FER: variants seen among roughly 807,000 people sequenced by gnomAD.
FER encodes tyrosine-protein kinase Fer.
In FER, 63 loss-of-function variants were observed where a neutral mutation model predicts 111.0. The observed-to-expected ratio is 0.57, with a 90% CI of 0.46 to 0.70. The LOEUF is 0.70. Among genes scored for constraint, FER ranks in the 30% least tolerant of loss-of-function variants. The pLI, the probability that FER is intolerant of heterozygous loss-of-function variation, is 0.00. For synonymous variants in FER, 327 were observed against 313.9 expected (o/e 1.04, Z -0.44); for missense variants, 914 against 954.0 (o/e 0.96, Z 0.55).
At position 109,195,971 on chromosome 5, in the gene FER, T is replaced by G. The variant is rs1397590492; in HGVS notation, c.*8396T>G. 2.6e-5 allele frequency: 4 copies of G among 152,262 alleles called. No homozygotes were observed. Among genetic ancestry groups the G allele is most frequent in the Non-Finnish European group, 5.9e-5 (4 of 68,086 alleles). 9.4% of individuals were successfully genotyped at this position (152,262 alleles called of 1,614,324 possible). On this transcript the variant is annotated 3_prime_UTR_variant, in exon 20 of 20. Transcript: ENST00000281092. Reference sequence around the variant, plus strand: ...TGTTTTTTCTTGGTTTTGTCTGGCTTCTTCTGGCAAGTGCCCTAAAAGACT... The same window carrying G: ...TGTTTTTTCTTGGTTTTGTCTGGCTGCTTCTGGCAAGTGCCCTAAAAGACT...
At chr5:109,168,171 G>A (rs190622755) in intron 17 of FER, among the ~76,000 whole-genome samples, 105 of 152,192 alleles carry the variant, frequency 6.9e-4, no homozygotes, top group East Asian at 4.8e-3. Context: ...GTAATGTCCC[G>A]GTATCTTTTA....
chr5:108,934,804 T>A (rs1312728530), intron 10 of FER, among the ~76,000 whole-genome samples: 2 of 152,110 alleles, frequency 1.3e-5, no homozygotes, highest in African/African-American at 4.8e-5. Context: ...AAAAATATCT[T>A]TGGGACTACA....
intron 17 of FER, among the ~76,000 whole-genome samples, chr5:109,150,470 C>T (rs539593579): frequency 1.3e-5 from 2 of 152,130 alleles, no homozygotes; most frequent in South Asian, 4.1e-4. Context: ...TCTCTCATAG[C>T]ACTTACTGCA....
chr5:109,159,893 AC>A (rs1755817735), intron 17 of FER, among the ~76,000 whole-genome samples: 1 of 152,134 alleles, frequency 6.6e-6, no homozygotes, highest in East Asian at 1.9e-4. Context: ...CTGATAAAAA[AC>A]CATTGACTAG....
chr5:108,925,111 A>G (rs948417085), intron 10 of FER, among the ~76,000 whole-genome samples: 3 of 151,344 alleles, frequency 2.0e-5, no homozygotes, highest in Admixed American at 2.0e-4. Flanking sequence ...GTGCAGTTTT[A>G]TTGAATATTT....
chr5:109,088,703 T>G (rs1245916246), intron 16 of FER, among the ~76,000 whole-genome samples: 1 of 152,270 alleles, frequency 6.6e-6, no homozygotes, highest in South Asian at 2.1e-4. Context: ...AATAAATCCT[T>G]TTATAAAATT....
chr5:108,992,352 G>A (rs1042040621), intron 13 of FER, among the ~76,000 whole-genome samples: 1 of 152,078 alleles, frequency 6.6e-6, no homozygotes, highest in Admixed American at 6.5e-5. Flanking sequence ...CTACAAAACC[G>A]CCATTGTCAT....
intron 10 of FER, among the ~76,000 whole-genome samples, chr5:108,930,949 C>G (rs1754583838): frequency 6.6e-6 from 1 of 151,950 alleles, no homozygotes; most frequent in Admixed American, 6.6e-5. Flanking sequence ...TTGTTGCTCC[C>G]CTATCAGTGT....
chr5:109,176,759 A>G (rs756504299), intron 17 of FER, among the ~76,000 whole-genome samples: 1 of 152,208 alleles, frequency 6.6e-6, no homozygotes, highest in Non-Finnish European at 1.5e-5. Context: ...TTATATGTCA[A>G]CTAAGAATAA....
chr5:108,894,394 G>C (rs1488941176), intron 9 of FER: 1 of 920,552 alleles, frequency 1.1e-6, no homozygotes. Context: ...TGTAGCAACT[G>C]TTTGTGGACC....
intron 17 of FER, among the ~76,000 whole-genome samples, chr5:109,147,643 A>C (rs1464139340): frequency 6.6e-6 from 1 of 152,010 alleles, no homozygotes; most frequent in Non-Finnish European, 1.5e-5. Flanking sequence ...GTTGGCAGAA[A>C]ATATTCACAC....
chr5:109,165,044 G>T (rs555311488), intron 17 of FER, among the ~76,000 whole-genome samples: 152 of 152,182 alleles, frequency 1.0e-3, no homozygotes, highest in Non-Finnish European at 1.8e-3. Flanking sequence ...ATTTGATGAT[G>T]TATTATTTAA....
At chr5:109,027,769 A>T (rs1768964807) in intron 13 of FER, among the ~76,000 whole-genome samples, 1 of 152,112 alleles carries the variant, frequency 6.6e-6, no homozygotes, top group African/African-American at 2.4e-5. Flanking sequence ...CAGGTGAACA[A>T]AGGAGACGTT....
At chr5:108,818,996 C>T (rs1048189226) in intron 3 of FER, among the ~76,000 whole-genome samples, 3 of 151,836 alleles carry the variant, frequency 2.0e-5, no homozygotes, top group Non-Finnish European at 4.4e-5. Flanking sequence ...TAATATTCTC[C>T]TTAGTTTAAC....
At chr5:108,902,186 A>C (rs778222556) in intron 10 of FER, among the ~76,000 whole-genome samples, 7 of 152,282 alleles carry the variant, frequency 4.6e-5, no homozygotes, top group African/African-American at 7.2e-5. Flanking sequence ...AAAGAGGAAA[A>C]AAACGGGCTA....
In FER at chr5:108,946,170, A is replaced by G. The variant is rs755687590; in HGVS notation, c.1277A>G (p.His426Arg). 4.3e-6 allele frequency: 7 copies of G among 1,612,334 alleles called. No homozygotes were observed. The South Asian group carries it at 6.6e-5, about 15-fold the overall frequency. The change falls in exon 11 of 20, where the codon CAT (histidine) becomes CGT (arginine). Residue 426 changes from histidine (H) to arginine (R), a missense_variant. Transcript: ENST00000281092. ...CTATCCAAATTTGAATCTATTCGTC[A>G]TTCAATTGCTGGAATAATTAGGTCT... The part of the protein sequence containing the change: ...ERLSKFESIR[H>R]SIAGIIRSPK...
chr5:109,096,414 T>C (rs1013273508), intron 16 of FER, among the ~76,000 whole-genome samples: 1 of 151,930 alleles, frequency 6.6e-6, no homozygotes, highest in Non-Finnish European at 1.5e-5. Context: ...ATTGAAAAAC[T>C]TAGAGGCAAG....
chr5:108,903,018 G>T (rs1328076784), intron 10 of FER, among the ~76,000 whole-genome samples: 1 of 151,656 alleles, frequency 6.6e-6, no homozygotes, highest in Non-Finnish European at 1.5e-5. Flanking sequence ...TAAATAATTG[G>T]ACTTCGTTTT....
chr5:109,029,804 A>G (rs954306281), intron 13 of FER, among the ~76,000 whole-genome samples: 2 of 152,036 alleles, frequency 1.3e-5, no homozygotes, highest in Admixed American at 6.6e-5. Context: ...CTTGGCTTGA[A>G]TTTATTTGTG....
Sources: allele counts gnomAD v4.1 joint callset (sites outside exome capture counted in the v4.1 genomes callset), GRCh38; gene constraint gnomAD v4.1.1; transcripts MANE v1.5; gene names NCBI Gene and HGNC (gene_info 2026-07-23, HGNC 2026-07-21).